The following SYNE1 variants were observed in gnomAD, a reference collection of about 807,000 sequenced individuals.
SYNE1 encodes the protein nesprin-1.
SYNE1 carries 616 observed loss-of-function variants against 1,111.0 expected under a neutral mutation model. The observed-to-expected ratio is 0.55, with a 90% CI of 0.52 to 0.59. The LOEUF is 0.59. SYNE1 is among the 20% of genes least tolerant of loss of function. The pLI, the probability that SYNE1 is intolerant of heterozygous loss-of-function variation, is 0.00. For synonymous variants in SYNE1, 3,855 were observed against 3,825.8 expected (o/e 1.01, Z -0.28); for missense variants, 10,006 against 10,417.0 (o/e 0.96, Z 1.72).
Position 152,399,730 on chromosome 6 carries a change from A to G in SYNE1, c.7123T>C (p.Leu2375=), listed in dbSNP as rs2097784227. Residue 2375 remains leucine (L), a synonymous_variant, in exon 48 of 146, where the codon TTG becomes CTG. Coordinates refer to ENST00000367255, the MANE Select transcript of SYNE1 (RefSeq NM_182961.4). ...GTCATTGCACGGCCCAGGCTCTCCAACTCAGCTGAGTGGTACTTGCGGCAC... is the reference window on the plus strand; with the variant it reads ...GTCATTGCACGGCCCAGGCTCTCCAGCTCAGCTGAGTGGTACTTGCGGCAC... The part of the protein sequence containing the change: ...SLCRKYHSAE[L]ESLGRAMTGL... The G allele has an allele frequency of 6.2e-7, 1 of 1,614,054 alleles. No individual in the cohort carries two copies. Among genetic ancestry groups the G allele is most frequent in the Non-Finnish European group, 8.5e-7 (1 of 1,179,998 alleles).
chr6:152,505,889 TCA>T (rs1207397468), intron 8 of SYNE1, among the ~76,000 whole-genome samples: 3 of 152,234 alleles, frequency 2.0e-5, no homozygotes, highest in Admixed American at 6.5e-5. Flanking sequence ...ACACAGGTTA[TCA>T]CAGACTAAGA....
At chr6:152,572,697 G>A (rs1341180914) in intron 3 of SYNE1, among the ~76,000 whole-genome samples, 2 of 152,118 alleles carry the variant, frequency 1.3e-5, no homozygotes, top group African/African-American at 2.4e-5. Context: ...CTTTCGCTAG[G>A]GATGAAGAGT....
chr6:152,372,122 T>A (rs2097201225), intron 59 of SYNE1, among the ~76,000 whole-genome samples: 1 of 152,132 alleles, frequency 6.6e-6, no homozygotes, highest in Admixed American at 6.6e-5. Flanking sequence ...TAATCAATGC[T>A]AAATATGCTA....
chr6:152,298,235 G>A (rs1286710815), intron 93 of SYNE1, among the ~76,000 whole-genome samples: 2 of 152,180 alleles, frequency 1.3e-5, no homozygotes, highest in African/African-American at 2.4e-5. Context: ...GACTTCCCAG[G>A]TGCACTCAGC....
chr6:152,193,682 T>C (rs543232261), intron 127 of SYNE1, among the ~76,000 whole-genome samples: 1 of 152,260 alleles, frequency 6.6e-6, no homozygotes, highest in East Asian at 1.9e-4. Context: ...GTTATTATTT[T>C]TGATCAGCTC....
intron 9 of SYNE1, among the ~76,000 whole-genome samples, chr6:152,504,339 G>A (rs1167492298): frequency 1.3e-5 from 2 of 152,126 alleles, no homozygotes; most frequent in African/African-American, 4.8e-5. Context: ...CTGGGTCTCT[G>A]TAACTTACTC....
At position 152,268,249 on chromosome 6, in the gene SYNE1, C is replaced by G. The variant is rs796538343; in HGVS notation, c.18706-84G>C. ...ATCATAGTTCTAGCTATAAAATTCTCAGAGAACTTCGGTAGTGAGCTTTTA... is the reference window on the plus strand; with the variant it reads ...ATCATAGTTCTAGCTATAAAATTCTGAGAGAACTTCGGTAGTGAGCTTTTA... On this transcript the variant is annotated intron_variant, in intron 99 of 145. Coordinates refer to ENST00000367255, the MANE Select transcript of SYNE1 (RefSeq NM_182961.4). 4.4e-6 allele frequency: 5 copies of G among 1,129,436 alleles called. No individual in the cohort carries two copies. The African/African-American group carries it at 7.6e-5, about 17-fold the overall frequency. The allele number at this position is 1,129,436 out of a possible 1,614,324, so 70.0% of individuals were successfully genotyped here.
intron 67 of SYNE1, 68 bp downstream of exon 67, chr6:152,354,591 C>T (rs2154050467): frequency 1.9e-6 from 3 of 1,587,436 alleles, no homozygotes; most frequent in Non-Finnish European, 1.7e-6. Context: ...TACTAAATAT[C>T]TTAATGAAAC....
chr6:152,164,460 C>T (rs1439271614), intron 130 of SYNE1, 135 bp from the exon 131 acceptor site: 3 of 1,023,722 alleles, frequency 2.9e-6, no homozygotes, highest in Middle Eastern at 3.0e-4. Context: ...AAGCCAAAGA[C>T]AGAAGACAAA....
intron 98 of SYNE1, among the ~76,000 whole-genome samples, chr6:152,277,224 CAAG>C (rs1270149596): frequency 1.4e-5 from 2 of 146,804 alleles, no homozygotes; most frequent in Non-Finnish European, 3.0e-5. Flanking sequence ...TCCTCCCCAA[CAAG>C]AAGATTGTTC....
At chr6:152,548,921 G>A (rs1425471650) in intron 3 of SYNE1, among the ~76,000 whole-genome samples, 3 of 152,328 alleles carry the variant, frequency 2.0e-5, no homozygotes, top group Admixed American at 6.5e-5. Flanking sequence ...AAGAGGTCGT[G>A]AAGTTTCTGT....
chr6:152,357,108 C>T (rs868816211), intron 66 of SYNE1, among the ~76,000 whole-genome samples: 55 of 152,330 alleles, frequency 3.6e-4, no homozygotes, highest in South Asian at 4.1e-4. Flanking sequence ...TGTGACCCTT[C>T]TAACTTTTAG....
At chr6:152,230,030 T>G (rs964639965) in intron 115 of SYNE1, among the ~76,000 whole-genome samples, 1 of 108,576 alleles carries the variant, frequency 9.2e-6, no homozygotes, top group South Asian at 3.1e-4. Flanking sequence ...AGAAATAATT[T>G]AGGCAATTTT....
At chr6:152,511,209 C>T in intron 6 of SYNE1, 106 bp from the exon 7 acceptor site, 3 of 991,198 alleles carry the variant, frequency 3.0e-6, no homozygotes, top group Non-Finnish European at 4.8e-6. Context: ...TTTGATCATG[C>T]CTATGTAATA....
rs754654618 is a variant in SYNE1, at chr6:152,458,724, G to T, written c.2568+33C>A. ...CCCTGGTCTTGTTACACATGCTTTA[G>T]AATAATTGTCTCCTGAAAAGGATTG... On this transcript the variant is annotated intron_variant, in intron 22 of 145. Coordinates refer to ENST00000367255, the MANE Select transcript of SYNE1 (RefSeq NM_182961.4). 4 of 1,610,502 alleles carry T rather than the reference G, an allele frequency of 2.5e-6. No individual in the cohort carries two copies. In the Admixed American group the frequency reaches 6.7e-5, roughly 27 times the overall value.
At position 152,347,126 on chromosome 6, in the gene SYNE1, T is replaced by C. The variant is rs572917949; in HGVS notation, c.12011A>G (p.Gln4004Arg). Residue 4004 changes from glutamine to arginine, a missense_variant, in exon 73 of 146, where the codon CAA becomes CGA. Gln to Arg is a conservative substitution (Grantham distance 43). This residue lies in a region of SYNE1 where 4,955 missense variants were observed against 5,017.2 expected (regional missense o/e 0.99). Coordinates refer to ENST00000367255, the MANE Select transcript of SYNE1 (RefSeq NM_182961.4). The stretch of plus-strand genomic sequence containing the variant: ...GCCCTGCAGATGAGCATGCACGTTT[T>C]GTTTAAGTTTCGCTTGCAGGTGGTC... ...CADHLQAKLKQNVHAHLQGTK... is the reference protein window; with the variant it reads ...CADHLQAKLKRNVHAHLQGTK... The C allele has an allele frequency of 1.9e-6, 3 of 1,614,202 alleles. No homozygotes were observed. In the East Asian group the frequency reaches 6.7e-5, roughly 36 times the overall value.
At chr6:152,430,822 G>A (rs2098421885) in intron 34 of SYNE1, 113 bp from the exon 35 acceptor site, 1 of 1,061,520 alleles carries the variant, frequency 9.4e-7, no homozygotes, top group South Asian at 1.3e-5. Flanking sequence ...TTGAAGACTT[G>A]GATGGTTAGA....
chr6:152,505,984 C>G (rs373603618), intron 8 of SYNE1, among the ~76,000 whole-genome samples: 4 of 152,136 alleles, frequency 2.6e-5, no homozygotes, highest in African/African-American at 7.2e-5. Context: ...CACAAAGGAC[C>G]CTGTATTCCA....
At chr6:152,587,068 G>A (rs2099542150) in intron 3 of SYNE1, among the ~76,000 whole-genome samples, 1 of 152,170 alleles carries the variant, frequency 6.6e-6, no homozygotes, top group African/African-American at 2.4e-5. Flanking sequence ...TATCTTTAGA[G>A]AAGTCCATAT....
Sources: allele counts gnomAD v4.1 joint callset (sites outside exome capture counted in the v4.1 genomes callset), GRCh38; gene constraint gnomAD v4.1.1; regional missense constraint gnomAD v4.1.1; transcripts MANE v1.5; gene names NCBI Gene and HGNC (gene_info 2026-07-23, HGNC 2026-07-21).